The following PDILT variants were observed in gnomAD, a reference collection of about 807,000 sequenced individuals.
PDILT encodes the protein protein disulfide-isomerase-like protein of the testis.
Under a neutral mutation model 53.7 loss-of-function variants are expected in PDILT, and 43 were observed. The observed-to-expected ratio is 0.80, with a 90% CI of 0.63 to 1.03. The LOEUF is 1.03. Among genes scored for constraint, PDILT ranks in the 50% least tolerant of loss-of-function variants. The probability of loss-of-function intolerance (pLI) is 0.00; values close to 1 mark genes in which losing one functional copy is unlikely to be tolerated. For missense variants in PDILT, 727 were observed against 712.3 expected (o/e 1.02, Z -0.24); for synonymous variants, 282 against 274.2 (o/e 1.03, Z -0.28).
In PDILT at chr16:20,366,858, C is replaced by T. The variant is rs542480461; in HGVS notation, c.1117-1318G>A. 1.1e-4 allele frequency among the ~76,000 whole-genome samples: 16 copies of T among 152,236 alleles called. No homozygotes were observed. In the East Asian group the frequency reaches 2.5e-3, roughly 24 times the overall value. On this transcript the variant is annotated intron_variant, in intron 8 of 11. Coordinates refer to ENST00000302451, the MANE Select transcript of PDILT (RefSeq NM_174924.2). Reference sequence around the variant, plus strand: ...CCCGTCCCCTCCCAATCCTCCCACACCTTTATTCTCTATAAGCAGGGCTCT... The same window carrying T: ...CCCGTCCCCTCCCAATCCTCCCACATCTTTATTCTCTATAAGCAGGGCTCT...
rs1216593738 is a variant in PDILT at position 20,374,943 on chromosome 16, A to C, written c.560T>G (p.Val187Gly). The C allele has an allele frequency of 6.2e-7, 1 of 1,610,256 alleles. No homozygotes were observed. Among genetic ancestry groups the C allele is most frequent in the African/African-American group, 1.3e-5 (1 of 74,808 alleles). Residue 187 changes from valine to glycine, a missense_variant, in exon 5 of 12, where the codon GTA (valine) becomes GGA (glycine). Coordinates refer to ENST00000302451, the MANE Select transcript of PDILT (RefSeq NM_174924.2). ...GATCACATCATAGAACAACTCTGCT[A>C]CTTCTTCCTCTAAATCCTATTTGGG... ...VGFFQDLEEE[V>G]AELFYDVIKD...
chr16:20,400,377 A>T (rs530405201), intron 1 of PDILT, among the ~76,000 whole-genome samples: 1 of 151,426 alleles, frequency 6.6e-6, no homozygotes, highest in East Asian at 1.9e-4. Flanking sequence ...ACCCAGCCTG[A>T]ATGTATATTT....
chr16:20,400,488 T>A (rs1018021415), intron 1 of PDILT, among the ~76,000 whole-genome samples: 2 of 150,698 alleles, frequency 1.3e-5, no homozygotes, highest in Admixed American at 6.7e-5. Flanking sequence ...TCTGGGGAGC[T>A]TTTAGGAGAA....
intron 2 of PDILT, among the ~76,000 whole-genome samples, chr16:20,397,832 C>A (rs1340435244): frequency 1.3e-5 from 2 of 152,220 alleles, no homozygotes; most frequent in Non-Finnish European, 2.9e-5. Flanking sequence ...CTCTGGGAAC[C>A]TGGTGCTGGT....
chr16:20,376,337 C>T, intron 3 of PDILT, 136 bp from the exon 4 acceptor site: 1 of 929,348 alleles, frequency 1.1e-6, no homozygotes, highest in East Asian at 2.6e-5. Flanking sequence ...AAGTCAGTTC[C>T]TCCATTCCCC....
chr16:20,359,341 G>A lies in PDILT; in HGVS notation c.1733C>T (p.Pro578Leu), dbSNP rs753674125. ...AAGCTAAAGTTCTTCCTTGACTTTTGGTTTCTTCTTTTGCACTGGAGGTCC... is the reference window on the plus strand; with the variant it reads ...AAGCTAAAGTTCTTCCTTGACTTTTAGTTTCTTCTTTTGCACTGGAGGTCC... Reference protein sequence around the residue: ...PKGPPVQKKKPKVKEEL With the variant: ...PKGPPVQKKKLKVKEEL The change falls in exon 12 of 12, where the codon CCA becomes CTA. Residue 578 changes from proline to leucine, a missense_variant. Pro to Leu is a moderately conservative substitution (Grantham distance 98). Transcript: ENST00000302451. 5 of 1,613,762 alleles carry A rather than the reference G, an allele frequency of 3.1e-6. No homozygotes were observed. In the Admixed American group the frequency reaches 6.7e-5, roughly 22 times the overall value.
intron 3 of PDILT, 98 bp downstream of exon 3, chr16:20,384,547 G>A (rs990450297): frequency 1.5e-5 from 21 of 1,440,882 alleles, no homozygotes; most frequent in African/African-American, 7.0e-5. Context: ...CTGGGTCCCC[G>A]AGAAGCTGCA....
At chr16:20,381,286 C>G (rs1280941723) in intron 3 of PDILT, among the ~76,000 whole-genome samples, 2 of 152,198 alleles carry the variant, frequency 1.3e-5, no homozygotes, top group African/African-American at 4.8e-5. Context: ...TGTCTCCTCT[C>G]AGCTCAGAGG....
chr16:20,391,666 G>A (rs182306944), intron 2 of PDILT, among the ~76,000 whole-genome samples: 36 of 152,170 alleles, frequency 2.4e-4, no homozygotes, highest in African/African-American at 8.4e-4. Context: ...GCACAATGCT[G>A]AATGTTAGGA....
At chr16:20,381,272 G>T (rs976236702) in intron 3 of PDILT, among the ~76,000 whole-genome samples, 1 of 152,174 alleles carries the variant, frequency 6.6e-6, no homozygotes, top group South Asian at 2.1e-4. Flanking sequence ...GATGCGTAAA[G>T]CACTGTCTCC....
intron 2 of PDILT, among the ~76,000 whole-genome samples, chr16:20,387,359 C>A (rs1038236362): frequency 6.6e-6 from 1 of 152,158 alleles, no homozygotes; most frequent in Non-Finnish European, 1.5e-5. Context: ...AGAGCGCAAG[C>A]CATGTAGACA....
Position 20,359,259 on chromosome 16 carries a change from A to G in PDILT, c.*60T>C, listed in dbSNP as rs1966062054. 2.5e-6 allele frequency: 4 copies of G among 1,594,966 alleles called. No homozygotes were observed. In the South Asian group the frequency reaches 4.6e-5, roughly 18 times the overall value. On this transcript the variant is annotated 3_prime_UTR_variant, in exon 12 of 12. Coordinates refer to ENST00000302451, the MANE Select transcript of PDILT (RefSeq NM_174924.2). ...TATATGCTTTTATTGGAATCAATCC[A>G]TTCAGAAAATGATGCCAGGATCTGG...
chr16:20,399,003 T>G, intron 2 of PDILT, 96 bp downstream of exon 2: 2 of 1,236,118 alleles, frequency 1.6e-6, no homozygotes, highest in Non-Finnish European at 2.3e-6. Context: ...TGTGTTCTTA[T>G]GTGTTTAGCA....
chr16:20,370,474 AC>A (rs2141710642), intron 7 of PDILT, among the ~76,000 whole-genome samples: 1 of 152,336 alleles, frequency 6.6e-6, no homozygotes, highest in East Asian at 1.9e-4. Context: ...GTTGATAGTA[AC>A]AAGTCATGGA....
At chr16:20,382,479 T>C (rs1405626492) in intron 3 of PDILT, among the ~76,000 whole-genome samples, 1 of 152,234 alleles carries the variant, frequency 6.6e-6, no homozygotes, top group Non-Finnish European at 1.5e-5. Flanking sequence ...GCCTGGCCTG[T>C]AGGATCTGGA....
chr16:20,376,115 C>T lies in PDILT; in HGVS notation c.496G>A (p.Ala166Thr), dbSNP rs772251286. The T allele has an allele frequency of 9.3e-6, 15 of 1,614,038 alleles. No individual in the cohort carries two copies. Among genetic ancestry groups the T allele is most frequent in the Non-Finnish European group, 1.3e-5 (15 of 1,180,028 alleles). Residue 166 changes from alanine to threonine, a missense_variant, in exon 4 of 12, where the codon GCA becomes ACA. Coordinates refer to ENST00000302451, the MANE Select transcript of PDILT (RefSeq NM_174924.2). ...AAGGGCCTGGATATCACAAACTCTG[C>T]CACCTGCTCGCTGCTGTTGAACAAA... ...AFLFNSSEQV[A>T]EFVISRPLVI...
At chr16:20,388,465 G>A (rs972124185) in intron 2 of PDILT, among the ~76,000 whole-genome samples, 2 of 152,140 alleles carry the variant, frequency 1.3e-5, no homozygotes, top group African/African-American at 4.8e-5. Flanking sequence ...TGGCCAGCTG[G>A]TCTGAAAAAT....
At chr16:20,402,816 T>C (rs1004764596) in intron 1 of PDILT, among the ~76,000 whole-genome samples, 1 of 152,196 alleles carries the variant, frequency 6.6e-6, no homozygotes, top group African/African-American at 2.4e-5. Context: ...GCATCCACCC[T>C]GTCCAGCCCT....
In PDILT at chr16:20,399,222, CGGCGTT is replaced by C. The variant is rs759562453; in HGVS notation, c.73_78del (p.Asn25_Ala26del). The C allele has an allele frequency of 5.6e-6, 9 of 1,614,140 alleles. No homozygotes were observed. The highest frequency in any genetic ancestry group is 7.6e-6 in the Non-Finnish European group (9 of 1,179,998). ...TTGGTTATGTGGATGCTGGAAACACCGGCGTTAACCTCTGGTGAGCTGTGGACAGCA... is the reference window on the plus strand; with the variant it reads ...TTGGTTATGTGGATGCTGGAAACACCAACCTCTGGTGAGCTGTGGACAGCA... On this transcript the variant is annotated inframe_deletion, in exon 2 of 12. Transcript: ENST00000302451.
Sources: allele counts gnomAD v4.1 joint callset (sites outside exome capture counted in the v4.1 genomes callset), GRCh38; gene constraint gnomAD v4.1.1; transcripts MANE v1.5; gene names NCBI Gene and HGNC (gene_info 2026-07-23, HGNC 2026-07-21).